CACNA2D1: variants seen among roughly 807,000 people sequenced by gnomAD.
The protein encoded by CACNA2D1 is voltage-dependent calcium channel subunit alpha-2/delta-1.
Under a neutral mutation model 171.5 loss-of-function variants are expected in CACNA2D1, and 53 were observed. The observed-to-expected ratio is 0.31, with a 90% CI of 0.25 to 0.39. The LOEUF (loss-of-function observed/expected upper bound fraction) is 0.39, where lower values mean the gene tolerates loss of function less well. Among genes scored for constraint, CACNA2D1 ranks in the 10% least tolerant of loss-of-function variants. CACNA2D1 has a pLI of 1.00. For synonymous variants in CACNA2D1, 442 were observed against 443.1 expected, an observed-to-expected ratio of 1.00 and a Z score of 0.03; for missense variants, 903 against 1,299.8, an observed-to-expected ratio of 0.69 and a Z score of 4.69.
intron 1 of CACNA2D1, among the ~76,000 whole-genome samples, chr7:82,372,841 T>C (rs1822560851): frequency 6.6e-6 from 1 of 152,178 alleles, no homozygotes; most frequent in African/African-American, 2.4e-5. Flanking sequence ...TTCCTCTAAA[T>C]ATTCTTATAT....
At chr7:82,138,779 A>G (rs946341127) in intron 4 of CACNA2D1, among the ~76,000 whole-genome samples, 1 of 152,102 alleles carries the variant, frequency 6.6e-6, no homozygotes, top group African/African-American at 2.4e-5. Flanking sequence ...AGCAGAGCTC[A>G]TCACATGTGC....
At chr7:82,192,962 A>G (rs1276214131) in intron 3 of CACNA2D1, among the ~76,000 whole-genome samples, 3 of 151,884 alleles carry the variant, frequency 2.0e-5, no homozygotes, top group Non-Finnish European at 4.4e-5. Context: ...ACAAAAAGTT[A>G]TTTTATGAAG....
intron 4 of CACNA2D1, among the ~76,000 whole-genome samples, chr7:82,154,862 T>C (rs745887650): frequency 3.9e-5 from 6 of 152,166 alleles, no homozygotes; most frequent in Non-Finnish European, 7.3e-5. Flanking sequence ...CTATCTGATA[T>C]GGTTTGGATC....
rs115169512 is a variant in CACNA2D1 at position 82,366,358 on chromosome 7, T to C, written c.96-16709A>G. ...TGAACATAATAGCCAATAGGCGGTT[T>C]TTCACTCCTTGACCCCCTCTCTATC... On this transcript the variant is annotated intron_variant, in intron 1 of 38. Coordinates refer to ENST00000356860, the MANE Select transcript of CACNA2D1 (RefSeq NM_000722.4). Among the ~76,000 whole-genome samples, 1,178 of 152,254 alleles carry C rather than the reference T, an allele frequency of 7.7e-3. 20 individuals are homozygous for C. Among genetic ancestry groups the C allele is most frequent in the African/African-American group, 0.026 (1,095 of 41,540 alleles).
At chr7:81,952,900 C>T (rs904472595) in intron 38 of CACNA2D1, among the ~76,000 whole-genome samples, 3 of 152,052 alleles carry the variant, frequency 2.0e-5, no homozygotes, top group Non-Finnish European at 4.4e-5. Context: ...TCAAACTTGA[C>T]TTGCCTTGCC....
At chr7:82,049,711 G>C (rs1419759940) in intron 10 of CACNA2D1, among the ~76,000 whole-genome samples, 1 of 152,134 alleles carries the variant, frequency 6.6e-6, no homozygotes, top group African/African-American at 2.4e-5. Context: ...GCTTAACAGA[G>C]CTCCCAGGCA....
chr7:81,974,596 CTT>C, intron 24 of CACNA2D1, 44 bp from the exon 25 acceptor site: 1 of 1,017,234 alleles, frequency 9.8e-7, no homozygotes, highest in African/African-American at 1.6e-5. Context: ...AAAATCAAAA[CTT>C]TACAGGGTAA....
intron 1 of CACNA2D1, among the ~76,000 whole-genome samples, chr7:82,416,201 C>T (rs542119521): frequency 1.7e-3 from 259 of 151,580 alleles, no homozygotes; most frequent in Non-Finnish European, 2.7e-3. Flanking sequence ...GGTAACAGCG[C>T]GAGACTCTGT....
chr7:82,234,942 G>T (rs895760073), intron 3 of CACNA2D1, among the ~76,000 whole-genome samples: 2 of 152,088 alleles, frequency 1.3e-5, no homozygotes, highest in Non-Finnish European at 2.9e-5. Context: ...TCGTTTGTGA[G>T]AATTATTAAT....
rs530618615 is a variant in CACNA2D1 at position 82,055,956 on chromosome 7, A to T, written c.879+4472T>A. Among the ~76,000 whole-genome samples, 374 of 143,636 alleles carry T rather than the reference A, an allele frequency of 2.6e-3. 1 individual carries two copies. The highest frequency in any genetic ancestry group is 3.6e-3 in the Middle Eastern group (1 of 276). 94.2% of individuals were successfully genotyped at this position (143,636 alleles called of 152,430 possible). A position where few individuals can be genotyped will look rare whatever the true frequency, so the allele number is the denominator to read the frequency against. On this transcript the variant is annotated intron_variant, in intron 10 of 38. Transcript: ENST00000356860. ...TATATATATATATATATAATTTTTT[A>T]AAAAAAGGAAAGAATCCCAAAAGGT...
chr7:82,073,047 T>C (rs543887691), intron 7 of CACNA2D1, among the ~76,000 whole-genome samples: 1 of 152,264 alleles, frequency 6.6e-6, no homozygotes, highest in African/African-American at 2.4e-5. Flanking sequence ...TATTTTCCCA[T>C]CCCATTCCAC....
chr7:82,424,990 C>T (rs553252098), intron 1 of CACNA2D1, among the ~76,000 whole-genome samples: 1 of 152,198 alleles, frequency 6.6e-6, no homozygotes, highest in Non-Finnish European at 1.5e-5. Context: ...ATAATTCCCA[C>T]TCCTGCAGAA....
In CACNA2D1 at chr7:82,098,736, G is replaced by C. The variant is rs538174425; in HGVS notation, c.527-13836C>G. On this transcript the variant is annotated intron_variant, in intron 6 of 38. Transcript: ENST00000356860. Reference sequence around the variant, plus strand: ...GACATAGTCTCCTCACCATCAATGCGTGACTCTTCTGCAATTCACTTGCAC... The same window carrying C: ...GACATAGTCTCCTCACCATCAATGCCTGACTCTTCTGCAATTCACTTGCAC... 4.6e-5 allele frequency among the ~76,000 whole-genome samples: 7 copies of C among 152,230 alleles called. No individual in the cohort carries two copies. The East Asian group carries it at 1.4e-3, about 29-fold the overall frequency.
chr7:82,258,472 G>C (rs1806576597), intron 3 of CACNA2D1, among the ~76,000 whole-genome samples: 1 of 152,086 alleles, frequency 6.6e-6, no homozygotes, highest in African/African-American at 2.4e-5. Context: ...CATCATCTGA[G>C]CCCTCCAGCC....
chr7:82,260,220 C>T (rs1434466331), intron 3 of CACNA2D1, among the ~76,000 whole-genome samples: 1 of 152,028 alleles, frequency 6.6e-6, no homozygotes, highest in East Asian at 1.9e-4. Flanking sequence ...GAAACTCCTT[C>T]TCAAATAAAT....
chr7:82,293,332 T>C (rs1042780150), intron 3 of CACNA2D1, among the ~76,000 whole-genome samples: 1 of 152,212 alleles, frequency 6.6e-6, no homozygotes, highest in African/African-American at 2.4e-5. Context: ...GACTTTCTCA[T>C]TAAGTTCAAA....
intron 24 of CACNA2D1, among the ~76,000 whole-genome samples, chr7:81,979,016 T>G (rs1040285746): frequency 6.6e-6 from 1 of 151,888 alleles, no homozygotes; most frequent in Admixed American, 6.6e-5. Flanking sequence ...TACTGATACG[T>G]GCAACAACAT....
At chr7:82,173,438 G>A (rs73705865) in intron 3 of CACNA2D1, among the ~76,000 whole-genome samples, 5,539 of 151,974 alleles carry the variant, frequency 0.036, 354 homozygotes, top group African/African-American at 0.13. Flanking sequence ...TCCCCAGGTT[G>A]GAATTTTAGA....
chr7:82,017,905 A>G (rs1022661007), intron 12 of CACNA2D1, among the ~76,000 whole-genome samples: 1 of 152,160 alleles, frequency 6.6e-6, no homozygotes. Context: ...ATCCAGGCTA[A>G]GGCGACTTTT....
Sources: allele counts gnomAD v4.1 joint callset (sites outside exome capture counted in the v4.1 genomes callset), GRCh38; gene constraint gnomAD v4.1.1; transcripts MANE v1.5; gene names NCBI Gene and HGNC (gene_info 2026-07-23, HGNC 2026-07-21).